The following COLQ variants were observed in gnomAD, a reference collection of about 807,000 sequenced individuals.
COLQ encodes collagen like tail subunit of asymmetric acetylcholinesterase.
A neutral mutation model predicts 69.0 loss-of-function variants in COLQ; 48 were observed. The ratio of observed to expected loss-of-function variants is 0.70; its 90% CI spans 0.55 to 0.88. COLQ has a LOEUF of 0.88. Among genes scored for constraint, COLQ ranks in the 40% least tolerant of loss-of-function variants. The pLI, the probability that COLQ is intolerant of heterozygous loss-of-function variation, is 0.00. For synonymous variants in COLQ, 217 were observed against 211.2 expected, an observed-to-expected ratio of 1.03 and a Z score of -0.24; for missense variants, 618 against 594.6, an observed-to-expected ratio of 1.04 and a Z score of -0.41.
intron 1 of COLQ, among the ~76,000 whole-genome samples, chr3:15,497,304 A>C (rs1327020570): frequency 2.0e-5 from 3 of 152,036 alleles, no homozygotes; most frequent in Non-Finnish European, 4.4e-5. Context: ...TCAGCCTCTC[A>C]AAGTGTTGGG....
At chr3:15,489,445 T>G (rs1575483709) in intron 2 of COLQ, 80 bp downstream of exon 2, 1 of 1,295,086 alleles carries the variant, frequency 7.7e-7, no homozygotes, top group South Asian at 1.2e-5. Context: ...TCAGGTGGAG[T>G]GGGGCAGGCA....
chr3:15,464,355 T>G (rs2062166124), intron 12 of COLQ, among the ~76,000 whole-genome samples: 1 of 152,198 alleles, frequency 6.6e-6, no homozygotes, highest in Non-Finnish European at 1.5e-5. Flanking sequence ...CACAGGGACT[T>G]GGACAACAAG....
intron 7 of COLQ, 23 bp downstream of exon 7, chr3:15,475,402 G>T: frequency 6.3e-7 from 1 of 1,578,900 alleles, no homozygotes; most frequent in Non-Finnish European, 8.6e-7. Flanking sequence ...ATCTGGGAAC[G>T]TCCATTTGGA....
intron 7 of COLQ, 162 bp from the exon 8 acceptor site, chr3:15,475,113 G>A: frequency 2.5e-6 from 2 of 811,192 alleles, no homozygotes; most frequent in East Asian, 2.5e-5. Context: ...GTCCCAGAGG[G>A]TTGTGGTTAT....
At chr3:15,470,023 G>A (rs2062256219) in intron 11 of COLQ, among the ~76,000 whole-genome samples, 3 of 152,166 alleles carry the variant, frequency 2.0e-5, no homozygotes, top group Admixed American at 2.0e-4. Context: ...ACCAGGGGGA[G>A]TTCAGAATGA....
At chr3:15,455,850 C>A (rs2062016112) in intron 15 of COLQ, 49 bp downstream of exon 15, 3 of 1,610,188 alleles carry the variant, frequency 1.9e-6, no homozygotes, top group Admixed American at 1.7e-5. Flanking sequence ...CTGAGTCCCA[C>A]CCCCCTGCTG....
chr3:15,481,302 G>A (rs1363810796), intron 3 of COLQ, among the ~76,000 whole-genome samples: 1 of 152,162 alleles, frequency 6.6e-6, no homozygotes, highest in Non-Finnish European at 1.5e-5. Flanking sequence ...GAATGGTATT[G>A]CCTAGGTTTT....
intron 1 of COLQ, among the ~76,000 whole-genome samples, chr3:15,519,049 CTTAAGT>C (rs923332462): frequency 2.6e-5 from 4 of 152,044 alleles, no homozygotes; most frequent in Admixed American, 2.6e-4. Context: ...TTTTTTAAAG[CTTAAGT>C]TTATTTCTGA....
At chr3:15,451,761 G>T (rs1228229435) in intron 16 of COLQ, 48 bp from the exon 17 acceptor site, 20 of 1,514,910 alleles carry the variant, frequency 1.3e-5, no homozygotes, top group Non-Finnish European at 1.7e-5. Flanking sequence ...TTATATGCTG[G>T]TGACTTCCGG....
chr3:15,516,786 G>A (rs747383547), intron 1 of COLQ, among the ~76,000 whole-genome samples: 4 of 152,192 alleles, frequency 2.6e-5, no homozygotes, highest in Non-Finnish European at 5.9e-5. Flanking sequence ...TTAATATAAA[G>A]CAATATTCAA....
intron 12 of COLQ, among the ~76,000 whole-genome samples, chr3:15,463,050 A>G (rs1302368764): frequency 6.6e-6 from 1 of 152,090 alleles, no homozygotes. Context: ...GGGGCCTGCT[A>G]AGAGGACAGG....
chr3:15,488,144 T>G (rs2062604662), intron 3 of COLQ, 62 bp downstream of exon 3: 3 of 1,188,820 alleles, frequency 2.5e-6, no homozygotes, highest in Non-Finnish European at 3.7e-6. Flanking sequence ...AGAGGCTCTG[T>G]GCAGTGGGCT....
At chr3:15,462,938 G>A (rs1281073208) in intron 12 of COLQ, among the ~76,000 whole-genome samples, 1 of 152,194 alleles carries the variant, frequency 6.6e-6, no homozygotes, top group Non-Finnish European at 1.5e-5. Flanking sequence ...AGAGGGCAGG[G>A]CGTGATTGGG....
chr3:15,453,681 C>T (rs1474130615), intron 16 of COLQ, 148 bp downstream of exon 16: 6 of 677,960 alleles, frequency 8.9e-6, no homozygotes, highest in Non-Finnish European at 1.6e-5. Flanking sequence ...GCAGGGAGCA[C>T]GTGTTGTGTC....
At chr3:15,516,202 G>A (rs2125188699) in intron 1 of COLQ, among the ~76,000 whole-genome samples, 1 of 152,328 alleles carries the variant, frequency 6.6e-6, no homozygotes, top group East Asian at 1.9e-4. Context: ...GGAGATGGCT[G>A]GCAAGTGCAT....
chr3:15,463,342 GT>G (rs1380743343), intron 12 of COLQ, among the ~76,000 whole-genome samples: 1 of 142,866 alleles, frequency 7.0e-6, no homozygotes, highest in African/African-American at 3.0e-5. Flanking sequence ...TGTTTTTGTT[GT>G]TTTTTGTTTT....
chr3:15,465,298 G>A (rs570708482), intron 12 of COLQ, among the ~76,000 whole-genome samples: 70 of 143,976 alleles, frequency 4.9e-4, no homozygotes, highest in South Asian at 1.1e-3. Flanking sequence ...ATGGAGTCTC[G>A]CTCTGTCACC....
Position 15,479,388 on chromosome 3 carries a change from C to T in COLQ, c.322-6G>A. The T allele has an allele frequency of 1.2e-6, 2 of 1,614,002 alleles. No homozygotes were observed. Among genetic ancestry groups the T allele is most frequent in the Non-Finnish European group, 1.7e-6 (2 of 1,179,876 alleles). On this transcript the variant is annotated splice_region_variant and splice_polypyrimidine_tract_variant and intron_variant, in intron 3 of 16. Transcript: ENST00000383788. The stretch of plus-strand genomic sequence containing the variant: ...CCAGGAAGCCCCGGTGGACCCTAAT[C>T]AATCAAGATAAAAAGTGAAGAAAGT...
intron 1 of COLQ, among the ~76,000 whole-genome samples, chr3:15,493,907 AC>A (rs2062707629): frequency 6.6e-6 from 1 of 152,118 alleles, no homozygotes; most frequent in Non-Finnish European, 1.5e-5. Context: ...AAATGGCGAA[AC>A]CCCGTGTCTA....
Sources: allele counts gnomAD v4.1 joint callset (sites outside exome capture counted in the v4.1 genomes callset), GRCh38; gene constraint gnomAD v4.1.1; transcripts MANE v1.5; gene names NCBI Gene and HGNC (gene_info 2026-07-23, HGNC 2026-07-21).